Variants in CNDP1 observed in about 807,000 individuals in gnomAD.
CNDP1 encodes beta-Ala-His dipeptidase.
A neutral mutation model predicts 58.1 loss-of-function variants in CNDP1; 44 were observed. That is an observed-to-expected ratio of 0.76 (90% CI 0.60 to 0.97). CNDP1 has a LOEUF of 0.97. Ranked by LOEUF, CNDP1 falls within the 50% of genes least tolerant of loss-of-function variation. The probability of loss-of-function intolerance (pLI) is 0.00; values close to 1 mark genes in which losing one functional copy is unlikely to be tolerated. For missense variants in CNDP1, 616 were observed against 655.1 expected (o/e 0.94, Z 0.65); for synonymous variants, 254 against 252.6 (o/e 1.01, Z -0.05).
In CNDP1 at chr18:74,534,644, TA is replaced by T. The variant is rs768906926; in HGVS notation, c.-23del. On this transcript the variant is annotated 5_prime_UTR_variant, in exon 1 of 12. The change abolishes the stop of an existing upstream ORF in the 5' untranslated region. Transcript: ENST00000358821. ...ATTTTTTGGAGGTTGGGAAAGTTGC[TA>T]GAGGCTTCAGAACTCCAGCCTAATG... 2.5e-6 allele frequency: 4 copies of T among 1,614,002 alleles called. No homozygotes were observed. The highest frequency in any genetic ancestry group is 3.4e-6 in the Non-Finnish European group (4 of 1,179,850).
chr18:74,573,834 G>A (rs1413334134), intron 7 of CNDP1, among the ~76,000 whole-genome samples: 1 of 152,142 alleles, frequency 6.6e-6, no homozygotes, highest in Non-Finnish European at 1.5e-5. Flanking sequence ...AGGAAGAGTC[G>A]GCTCGGGCTC....
intron 9 of CNDP1, 74 bp from the exon 10 acceptor site, chr18:74,580,056 G>C (rs1415196533): frequency 7.4e-7 from 1 of 1,356,870 alleles, no homozygotes; most frequent in Non-Finnish European, 1.0e-6. Flanking sequence ...TCAGTTTCTT[G>C]ATGGAAGACT....
intron 1 of CNDP1, among the ~76,000 whole-genome samples, chr18:74,540,360 A>G (rs1357668511): frequency 1.3e-5 from 2 of 152,092 alleles, no homozygotes; most frequent in African/African-American, 2.4e-5. Flanking sequence ...GGGTTTCACC[A>G]TGTTGGCCAG....
chr18:74,545,446 A>C lies in CNDP1; in HGVS notation c.24+10755A>C, dbSNP rs1980734659. Among the ~76,000 whole-genome samples the C allele has an allele frequency of 6.6e-6, 1 of 152,144 alleles. No individual in the cohort carries two copies. Among genetic ancestry groups the C allele is most frequent in the South Asian group, 2.1e-4 (1 of 4,816 alleles). ...GCTGAATGTGTAAGATGACACTTTA[A>C]AGGCTGTGTACGTAATTACAGGTTT... On this transcript the variant is annotated intron_variant, in intron 1 of 11. Coordinates refer to ENST00000358821, the MANE Select transcript of CNDP1 (RefSeq NM_032649.6). The surrounding 1 kb of genome is among the most constrained non-coding windows in gnomAD (Gnocchi z 4.1).
chr18:74,561,266 A>C (rs1412985575), intron 4 of CNDP1: 1 of 381,098 alleles, frequency 2.6e-6, no homozygotes, highest in Admixed American at 3.8e-5. Context: ...AATACAAAAA[A>C]ATAGCTGGGC....
At chr18:74,543,286 T>G (rs1329414729) in intron 1 of CNDP1, among the ~76,000 whole-genome samples, 1 of 152,016 alleles carries the variant, frequency 6.6e-6, no homozygotes, top group African/African-American at 2.4e-5. Flanking sequence ...ACCCAGGAGT[T>G]TGAGACCAGC....
chr18:74,582,794 C>A (rs903738299), intron 10 of CNDP1, among the ~76,000 whole-genome samples: 1 of 152,146 alleles, frequency 6.6e-6, no homozygotes, highest in Non-Finnish European at 1.5e-5. Context: ...AAGGGAAAGA[C>A]CGGTGAAATT....
rs573798285 is a variant in CNDP1, at chr18:74,580,398, T to C, written c.1309+127T>C. 12 of 924,146 alleles carry C rather than the reference T, an allele frequency of 1.3e-5. No individual in the cohort carries two copies. The African/African-American group carries it at 1.8e-4, about 14-fold the overall frequency. The allele number at this position is 924,146 out of a possible 1,614,324, so 57.2% of individuals were successfully genotyped here. On this transcript the variant is annotated intron_variant, in intron 10 of 11. Coordinates refer to ENST00000358821, the MANE Select transcript of CNDP1 (RefSeq NM_032649.6). ...AACTCTCCTTTTAATACAGAGCACA[T>C]TGTTGAATGCATGCCATGTGCAGGG...
chr18:74,581,183 T>C (rs1438370557), intron 10 of CNDP1, among the ~76,000 whole-genome samples: 1 of 151,570 alleles, frequency 6.6e-6, no homozygotes, highest in African/African-American at 2.4e-5. Flanking sequence ...ACCCATTATA[T>C]ACAGGCAGGG....
intron 1 of CNDP1, among the ~76,000 whole-genome samples, chr18:74,546,364 C>T (rs1017442118): frequency 1.3e-5 from 2 of 152,200 alleles, no homozygotes; most frequent in African/African-American, 4.8e-5. Context: ...CGCCTACCCA[C>T]GAGGACCCCA....
chr18:74,575,097 GAAA>G (rs936703896), intron 7 of CNDP1, among the ~76,000 whole-genome samples: 20 of 139,318 alleles, frequency 1.4e-4, no homozygotes, highest in South Asian at 2.3e-4. Flanking sequence ...AGGAAGGAAA[GAAA>G]AAAGAAGGAA....
intron 1 of CNDP1, among the ~76,000 whole-genome samples, chr18:74,537,615 G>A (rs1980514900): frequency 6.6e-6 from 1 of 152,272 alleles, no homozygotes; most frequent in South Asian, 2.1e-4. Context: ...GAGGTTTGGG[G>A]AGCTGGACCA....
At chr18:74,561,938 T>C (rs1438661288) in intron 4 of CNDP1, 109 bp from the exon 5 acceptor site, 2 of 835,048 alleles carry the variant, frequency 2.4e-6, no homozygotes, top group Admixed American at 2.2e-5. Flanking sequence ...CCTGCAATAT[T>C]ATTATAGAAA....
chr18:74,544,717 CAAAAAAAAAA>C (rs10562152), intron 1 of CNDP1, among the ~76,000 whole-genome samples: 12 of 63,880 alleles, frequency 1.9e-4, no homozygotes, highest in African/African-American at 6.8e-4. Context: ...GGTTCTGTCT[CAAAAAAAAAA>C]AAAAAAAAAA....
intron 1 of CNDP1, 104 bp downstream of exon 1, chr18:74,534,795 C>T (rs764021938): frequency 9.2e-6 from 12 of 1,306,690 alleles, no homozygotes; most frequent in African/African-American, 2.9e-5. Context: ...AGGCACCCAG[C>T]GTGGCCCCAG....
intron 10 of CNDP1, among the ~76,000 whole-genome samples, chr18:74,582,795 C>A (rs1302466275): frequency 6.6e-6 from 1 of 152,102 alleles, no homozygotes; most frequent in African/African-American, 2.4e-5. Context: ...AGGGAAAGAC[C>A]GGTGAAATTG....
chr18:74,566,871 C>T (rs998416119), intron 5 of CNDP1, among the ~76,000 whole-genome samples: 3 of 152,200 alleles, frequency 2.0e-5, no homozygotes, highest in Non-Finnish European at 4.4e-5. Context: ...CATTTTCATG[C>T]TGTTGATAAA....
intron 1 of CNDP1, among the ~76,000 whole-genome samples, chr18:74,543,081 T>G (rs1363718505): frequency 6.6e-6 from 1 of 152,250 alleles, no homozygotes. Flanking sequence ...GAGTAGAACA[T>G]GTTTAAAATG....
At chr18:74,548,068 TA>T (rs2144644788) in intron 1 of CNDP1, among the ~76,000 whole-genome samples, 1 of 152,306 alleles carries the variant, frequency 6.6e-6, no homozygotes, top group African/African-American at 2.4e-5. Flanking sequence ...TGCGCATCCC[TA>T]ACCCCAGCCC....
Sources: gnomAD v4.1 joint callset for allele counts (sites outside exome capture counted in the v4.1 genomes callset) on GRCh38, gnomAD v4.1.1 for gene constraint, Gnocchi (gnomAD v3.1) non-coding constraint, MANE v1.5 for transcripts, NCBI Gene and HGNC (gene_info 2026-07-23, HGNC 2026-07-21) for gene names.